NT5E: variants seen among roughly 807,000 people sequenced by gnomAD.
NT5E encodes 5'-nucleotidase ecto.
Under a neutral mutation model 55.1 loss-of-function variants are expected in NT5E, and 53 were observed. That is an observed-to-expected ratio of 0.96 (90% CI 0.77 to 1.21). NT5E has a LOEUF of 1.21. Among genes scored for constraint, NT5E ranks in the 50% most tolerant of loss-of-function variants. The probability of loss-of-function intolerance (pLI) is 0.00; values close to 1 mark genes in which losing one functional copy is unlikely to be tolerated. For synonymous variants in NT5E, 270 were observed against 278.4 expected (o/e 0.97, Z 0.30); for missense variants, 683 against 724.3 (o/e 0.94, Z 0.65).
intron 1 of NT5E, among the ~76,000 whole-genome samples, chr6:85,457,664 C>A (rs1769015856): frequency 6.6e-6 from 1 of 152,042 alleles, no homozygotes; most frequent in Non-Finnish European, 1.5e-5. Context: ...GAAATGATGG[C>A]CTGGGGAATG....
chr6:85,490,443 C>A (rs1769758342), intron 6 of NT5E, 65 bp from the exon 7 acceptor site: 1 of 1,584,254 alleles, frequency 6.3e-7, no homozygotes, highest in African/African-American at 1.3e-5. Context: ...CTGAGGGAAA[C>A]TGGTCATGGT....
Position 85,491,987 on chromosome 6 carries a change from G to A in NT5E, c.1371G>A (p.Val457=), listed in dbSNP as rs1171455783. ...GEFLQVGGIH[V]VYDLSRKPGD... is the part of the protein sequence containing the mutation. ...TCATTTCTTTTCTAGGAATCCATGT[G>A]GTGTATGATCTTTCCCGAAAACCTG... The change falls in exon 8 of 9, where the codon GTG becomes GTA. Residue 457 remains valine (V), a synonymous_variant. Transcript: ENST00000257770. The A allele has an allele frequency of 6.2e-7, 1 of 1,613,308 alleles. No homozygotes were observed. The highest frequency in any genetic ancestry group is 1.3e-5 in the African/African-American group (1 of 74,904).
chr6:85,489,851 A>T (rs1213046439), intron 6 of NT5E, among the ~76,000 whole-genome samples: 1 of 152,148 alleles, frequency 6.6e-6, no homozygotes, highest in East Asian at 1.9e-4. Context: ...GGTTAGTGGA[A>T]CTCAAACTTG....
intron 2 of NT5E, among the ~76,000 whole-genome samples, chr6:85,470,739 G>C (rs924352873): frequency 6.6e-6 from 1 of 152,198 alleles, no homozygotes; most frequent in African/African-American, 2.4e-5. Context: ...ACTGTGCCTG[G>C]CCTGCTGGCA....
chr6:85,490,377 C>T, intron 6 of NT5E, 131 bp from the exon 7 acceptor site: 3 of 1,051,062 alleles, frequency 2.9e-6, no homozygotes, highest in Non-Finnish European at 2.9e-6. Flanking sequence ...ACCACTTAGA[C>T]ATAGCTAATG....
chr6:85,472,033 G>A (rs1769321081), intron 3 of NT5E, among the ~76,000 whole-genome samples: 1 of 152,124 alleles, frequency 6.6e-6, no homozygotes, highest in African/African-American at 2.4e-5. Flanking sequence ...TTGGTGTTAA[G>A]TAGTTTTCAT....
intron 8 of NT5E, 59 bp from the exon 9 acceptor site, chr6:85,493,782 C>T (rs987035565): frequency 2.8e-6 from 4 of 1,448,588 alleles, no homozygotes; most frequent in East Asian, 2.3e-5. Flanking sequence ...AAAGGACTAC[C>T]TTACTGTTGA....
At chr6:85,484,329 C>CT (rs1582384537) in intron 3 of NT5E, among the ~76,000 whole-genome samples, 3 of 152,312 alleles carry the variant, frequency 2.0e-5, no homozygotes, top group Admixed American at 6.5e-5. Context: ...TGAAGCAGGT[C>CT]TACAGTTAAG....
intron 3 of NT5E, among the ~76,000 whole-genome samples, chr6:85,477,989 T>C (rs1228746018): frequency 6.7e-6 from 1 of 148,326 alleles, no homozygotes; most frequent in Non-Finnish European, 1.5e-5. Context: ...ATTACGCCAC[T>C]GCACTCCAGC....
chr6:85,452,193 G>A (rs2127753263), intron 1 of NT5E, among the ~76,000 whole-genome samples: 1 of 152,294 alleles, frequency 6.6e-6, no homozygotes, highest in Non-Finnish European at 1.5e-5. Context: ...CCTCCCAGAA[G>A]GGTAGAATAA....
rs1420943479 is a variant in NT5E, at chr6:85,494,663, T to A, written c.*659T>A. ...TTCTTGTCTCTATTTTTTCACTTTA[T>A]AGCTCCTGTTATAATAGCAAGTTTA... On this transcript the variant is annotated 3_prime_UTR_variant, in exon 9 of 9. Transcript: ENST00000257770. The A allele has an allele frequency of 1.3e-5, 2 of 153,006 alleles. No homozygotes were observed. The highest frequency in any genetic ancestry group is 2.4e-5 in the African/African-American group (1 of 41,478). The allele number at this position is 153,006 out of a possible 1,614,324, so 9.5% of individuals were successfully genotyped here.
At chr6:85,453,909 A>T (rs1007373228) in intron 1 of NT5E, among the ~76,000 whole-genome samples, 2 of 152,216 alleles carry the variant, frequency 1.3e-5, no homozygotes, top group Non-Finnish European at 2.9e-5. Context: ...TTGTTTCTAC[A>T]TGCACTTTCA....
At chr6:85,466,799 G>C (rs1769203589) in intron 1 of NT5E, among the ~76,000 whole-genome samples, 1 of 152,184 alleles carries the variant, frequency 6.6e-6, no homozygotes, top group Admixed American at 6.5e-5. Flanking sequence ...CCCAATCTGA[G>C]ATGGTGGGAC....
At chr6:85,454,640 A>G (rs1299564795) in intron 1 of NT5E, among the ~76,000 whole-genome samples, 1 of 152,222 alleles carries the variant, frequency 6.6e-6, no homozygotes, top group Non-Finnish European at 1.5e-5. Flanking sequence ...TCTTTCATTG[A>G]ACAGAAATTC....
intron 3 of NT5E, among the ~76,000 whole-genome samples, chr6:85,483,133 CA>C (rs1457215488): frequency 3.9e-5 from 6 of 152,180 alleles, no homozygotes; most frequent in Admixed American, 2.0e-4. Context: ...TTTTTAAGCT[CA>C]GATATTTCTA....
chr6:85,485,541 G>A, intron 4 of NT5E, 109 bp downstream of exon 4: 1 of 1,100,120 alleles, frequency 9.1e-7, no homozygotes, highest in Non-Finnish European at 1.4e-6. Flanking sequence ...CTATAATACT[G>A]TTGAAGAATT....
intron 3 of NT5E, among the ~76,000 whole-genome samples, chr6:85,479,713 G>A (rs1193888558): frequency 1.3e-5 from 2 of 152,082 alleles, no homozygotes; most frequent in Non-Finnish European, 2.9e-5. Flanking sequence ...ACCAGTAATG[G>A]AACTACACGG....
chr6:85,463,578 G>T (rs1438023514), intron 1 of NT5E, among the ~76,000 whole-genome samples: 1 of 152,178 alleles, frequency 6.6e-6, no homozygotes, highest in Admixed American at 6.5e-5. Context: ...GGTGGAATAA[G>T]ATTATCTGCT....
chr6:85,463,529 A>G, intron 1 of NT5E, among the ~76,000 whole-genome samples: 1 of 152,242 alleles, frequency 6.6e-6, no homozygotes, highest in Non-Finnish European at 1.5e-5. Flanking sequence ...GGAACACATA[A>G]GGAAAGTTAC....
Sources: allele counts gnomAD v4.1 joint callset (sites outside exome capture counted in the v4.1 genomes callset), GRCh38; gene constraint gnomAD v4.1.1; transcripts MANE v1.5; gene names NCBI Gene and HGNC (gene_info 2026-07-23, HGNC 2026-07-21).